The following PRKN variants were observed in gnomAD, a reference collection of about 807,000 sequenced individuals.
PRKN encodes the protein E3 ubiquitin-protein ligase parkin.
PRKN carries 56 observed loss-of-function variants against 59.5 expected under a neutral mutation model. The observed-to-expected ratio is 0.94, with a 90% confidence interval of 0.76 to 1.18. The LOEUF is 1.18. Among genes scored for constraint, PRKN ranks in the 50% most tolerant of loss-of-function variants. The pLI is 0.00. For synonymous variants in PRKN, 250 were observed against 222.1 expected, an observed-to-expected ratio of 1.13 and a Z score of -1.12; for missense variants, 657 against 596.4, an observed-to-expected ratio of 1.10 and a Z score of -1.06.
chr6:162,274,278 C>T (rs992110667), intron 2 of PRKN, among the ~76,000 whole-genome samples: 2 of 152,004 alleles, frequency 1.3e-5, no homozygotes, highest in Non-Finnish European at 1.5e-5. Flanking sequence ...GTCTCGGCTT[C>T]CAGGGCTCAG....
intron 2 of PRKN, among the ~76,000 whole-genome samples, chr6:162,379,430 G>C (rs1583467152): frequency 6.6e-6 from 1 of 151,960 alleles, no homozygotes; most frequent in Non-Finnish European, 1.5e-5. Flanking sequence ...GATTAGAAGG[G>C]GTAAGAGAAA....
In PRKN at chr6:162,310,028, C is replaced by T. The variant is rs1429849947; in HGVS notation, c.172-47263G>A. ...GCTTCCAGCTCCATCCATGTCCCTG[C>T]AAAGGACATGATCTCATTCTTTTTT... On this transcript the variant is annotated intron_variant, in intron 2 of 11. Transcript: ENST00000366898. Among the ~76,000 whole-genome samples the T allele has an allele frequency of 2.0e-5, 3 of 152,094 alleles. No individual in the cohort carries two copies. The South Asian group carries it at 6.2e-4, about 31-fold the overall frequency.
In PRKN at chr6:161,533,706, C is replaced by T. The variant is rs556439867; in HGVS notation, c.1083+15148G>A. ...ATCTGCTGGGATCTGCCACCTTAAC[C>T]CTTTTTTTCAGACATCTCTCTCTCT... On this transcript the variant is annotated intron_variant, in intron 9 of 11. Transcript: ENST00000366898. This position sits in a 1 kb window ranked among gnomAD's most constrained non-coding sequence, Gnocchi z 4.1. Among the ~76,000 whole-genome samples the T allele has an allele frequency of 2.6e-5, 4 of 152,016 alleles. No individual in the cohort carries two copies. The highest frequency in any genetic ancestry group is 7.2e-5 in the African/African-American group (3 of 41,416).
At chr6:161,774,386 A>G (rs879557541) in intron 7 of PRKN, among the ~76,000 whole-genome samples, 8,265 of 32,232 alleles carry the variant, frequency 0.26, 415 homozygotes, top group Non-Finnish European at 0.27. Flanking sequence ...CCCTGAGCAC[A>G]CACACACACA....
intron 1 of PRKN, among the ~76,000 whole-genome samples, chr6:162,647,127 G>A (rs1273161088): frequency 1.3e-5 from 2 of 151,792 alleles, no homozygotes; most frequent in Non-Finnish European, 2.9e-5. Flanking sequence ...TAAACACTGA[G>A]CAATTTCTCA....
intron 9 of PRKN, among the ~76,000 whole-genome samples, chr6:161,432,962 C>T (rs1197302720): frequency 6.6e-6 from 1 of 152,076 alleles, no homozygotes; most frequent in Non-Finnish European, 1.5e-5. Flanking sequence ...ACCTTTATGG[C>T]ATACTTCTAA....
At chr6:161,743,384 T>A (rs1369893147) in intron 7 of PRKN, among the ~76,000 whole-genome samples, 2 of 143,102 alleles carry the variant, frequency 1.4e-5, no homozygotes, top group African/African-American at 5.3e-5. Flanking sequence ...CACATCCAGC[T>A]TTTTTATTTA....
chr6:162,331,253 C>G (rs1392240174), intron 2 of PRKN, among the ~76,000 whole-genome samples: 1 of 151,970 alleles, frequency 6.6e-6, no homozygotes, highest in Non-Finnish European at 1.5e-5. Context: ...CGCTCCCAAC[C>G]AGGCCCCTCC....
At chr6:162,639,594 C>T (rs1019592352) in intron 1 of PRKN, among the ~76,000 whole-genome samples, 1 of 152,110 alleles carries the variant, frequency 6.6e-6, no homozygotes, top group African/African-American at 2.4e-5. Flanking sequence ...TGTACATTCA[C>T]CCCTTCTCCT....
At chr6:161,934,757 C>T (rs1214952610) in intron 6 of PRKN, among the ~76,000 whole-genome samples, 3 of 152,070 alleles carry the variant, frequency 2.0e-5, no homozygotes, top group Non-Finnish European at 4.4e-5. Flanking sequence ...CACTTATTCA[C>T]GATCCTGTAT....
rs968653044 is a variant in PRKN at position 161,451,005 on chromosome 6, G to A, written c.1084-64128C>T. Among the ~76,000 whole-genome samples, 2 of 152,282 alleles carry A rather than the reference G, an allele frequency of 1.3e-5. No homozygotes were observed. Among genetic ancestry groups the A allele is most frequent in the South Asian group, 2.1e-4 (1 of 4,814 alleles). ...ATATGAAAGTCAAACACTTTTGCCT[G>A]TGGAAGAGCCCAGGGCCTGCATTCT... On this transcript the variant is annotated intron_variant, in intron 9 of 11. Transcript: ENST00000366898. The surrounding 1 kb of genome is among the most constrained non-coding windows in gnomAD (Gnocchi z 5.9).
chr6:162,683,649 A>G (rs1368905424), intron 1 of PRKN, among the ~76,000 whole-genome samples: 1 of 152,134 alleles, frequency 6.6e-6, no homozygotes, highest in Non-Finnish European at 1.5e-5. Context: ...AAGTTTATGA[A>G]TGTAAAAAAA....
chr6:162,588,781 G>C (rs554542233), intron 1 of PRKN, among the ~76,000 whole-genome samples: 198 of 152,168 alleles, frequency 1.3e-3, no homozygotes, highest in African/African-American at 4.4e-3. Context: ...TCGATCTCCT[G>C]ACCTCGTGAT....
At chr6:162,034,208 G>GAGAGAGAA in intron 5 of PRKN, among the ~76,000 whole-genome samples, 1 of 151,362 alleles carries the variant, frequency 6.6e-6, no homozygotes, top group African/African-American at 2.4e-5. Flanking sequence ...GAGAGAGAGA[G>GAGAGAGAA]AGAGAGAGAG....
intron 5 of PRKN, among the ~76,000 whole-genome samples, chr6:162,005,526 C>G (rs1482927006): frequency 1.3e-5 from 2 of 149,174 alleles, no homozygotes; most frequent in African/African-American, 2.5e-5. Context: ...CTCTCTCTGT[C>G]TCTGCAGGAC....
intron 2 of PRKN, among the ~76,000 whole-genome samples, chr6:162,274,232 C>G (rs996720006): frequency 6.6e-6 from 1 of 151,970 alleles, no homozygotes; most frequent in Non-Finnish European, 1.5e-5. Context: ...CTCTGTCACT[C>G]AGGCTGGAGT....
chr6:162,177,672 G>C (rs762839608), intron 4 of PRKN, among the ~76,000 whole-genome samples: 1 of 152,012 alleles, frequency 6.6e-6, no homozygotes, highest in South Asian at 2.1e-4. Flanking sequence ...AGCAAAGCAC[G>C]TTCTCTTTGT....
intron 2 of PRKN, among the ~76,000 whole-genome samples, chr6:162,383,911 A>G (rs1376810634): frequency 1.3e-5 from 2 of 152,178 alleles, no homozygotes; most frequent in African/African-American, 2.4e-5. Flanking sequence ...CTCTCCTTCA[A>G]CTTCATCAAC....
At chr6:162,547,530 A>G (rs1196712962) in intron 1 of PRKN, among the ~76,000 whole-genome samples, 1 of 152,088 alleles carries the variant, frequency 6.6e-6, no homozygotes, top group Non-Finnish European at 1.5e-5. Flanking sequence ...GAGGAGATAA[A>G]TGAAGCCCAG....
Sources: gnomAD v4.1 joint callset for allele counts (sites outside exome capture counted in the v4.1 genomes callset) on GRCh38, gnomAD v4.1.1 for gene constraint, Gnocchi (gnomAD v3.1) non-coding constraint, MANE v1.5 for transcripts, NCBI Gene and HGNC (gene_info 2026-07-23, HGNC 2026-07-21) for gene names.